Variants in RETREG1 observed in about 807,000 individuals in gnomAD.
RETREG1 encodes the protein reticulophagy regulator 1, also known as family with sequence similarity 134 member B.
In RETREG1, 44 loss-of-function variants were observed where a neutral mutation model predicts 54.8. The ratio of observed to expected loss-of-function variants is 0.80; its 90% CI spans 0.63 to 1.03. The LOEUF is 1.03. Among genes scored for constraint, RETREG1 ranks in the 50% least tolerant of loss-of-function variants. The pLI, the probability that RETREG1 is intolerant of heterozygous loss-of-function variation, is 0.00. For synonymous variants in RETREG1, 217 were observed against 238.5 expected, an observed-to-expected ratio of 0.91 and a Z score of 0.83; for missense variants, 554 against 605.1, an observed-to-expected ratio of 0.92 and a Z score of 0.89.
Position 16,525,996 on chromosome 5 carries a change from G to A in RETREG1, c.458+39767C>T, listed in dbSNP as rs115874225. On this transcript the variant is annotated intron_variant, in intron 3 of 8. Transcript: ENST00000306320. Reference sequence around the variant, plus strand: ...ATTGGATGAGGCTCATTCACACTGCGGAAGATAATCTGCCCTACTCAAAGT... The same window carrying A: ...ATTGGATGAGGCTCATTCACACTGCAGAAGATAATCTGCCCTACTCAAAGT... Among the ~76,000 whole-genome samples the A allele has an allele frequency of 1.0e-2, 1,517 of 152,276 alleles. 26 individuals carry two copies. The highest frequency in any genetic ancestry group is 0.035 in the African/African-American group (1,460 of 41,556).
intron 3 of RETREG1, among the ~76,000 whole-genome samples, chr5:16,510,775 G>C (rs1740145318): frequency 7.4e-6 from 1 of 134,798 alleles, no homozygotes; most frequent in South Asian, 2.5e-4. Flanking sequence ...AGGTGACAGA[G>C]TGAGAACCTG....
intron 3 of RETREG1, among the ~76,000 whole-genome samples, chr5:16,536,916 C>G (rs1159084180): frequency 6.6e-6 from 1 of 152,124 alleles, no homozygotes; most frequent in Non-Finnish European, 1.5e-5. Context: ...CCAAGGGTGG[C>G]CCTTCACCAT....
chr5:16,596,656 C>G (rs1231887560), intron 1 of RETREG1, among the ~76,000 whole-genome samples: 1 of 152,110 alleles, frequency 6.6e-6, no homozygotes, highest in African/African-American at 2.4e-5. Flanking sequence ...AAAGCCAGGC[C>G]AATTACCTGG....
chr5:16,528,542 G>A (rs575659873), intron 3 of RETREG1, among the ~76,000 whole-genome samples: 3 of 152,204 alleles, frequency 2.0e-5, no homozygotes, highest in South Asian at 2.1e-4. Context: ...AAAGATTAGG[G>A]GGCCAAGGAG....
intron 1 of RETREG1, chr5:16,616,431 C>A (rs939295877): frequency 3.8e-6 from 3 of 796,702 alleles, no homozygotes; most frequent in Non-Finnish European, 1.8e-6. Context: ...GAGGCTGGAT[C>A]CGCACACGGA....
At chr5:16,538,877 T>G (rs1741156416) in intron 3 of RETREG1, among the ~76,000 whole-genome samples, 1 of 152,178 alleles carries the variant, frequency 6.6e-6, no homozygotes, top group Admixed American at 6.5e-5. Flanking sequence ...GCTAATTTTT[T>G]GTATTTTTAG....
At chr5:16,526,348 C>T (rs1487948879) in intron 3 of RETREG1, among the ~76,000 whole-genome samples, 1 of 152,104 alleles carries the variant, frequency 6.6e-6, no homozygotes, top group East Asian at 1.9e-4. Context: ...ATGTAGCTAA[C>T]ATGTAGCTAA....
chr5:16,486,503 G>A (rs1303784184), intron 3 of RETREG1, among the ~76,000 whole-genome samples: 7 of 152,284 alleles, frequency 4.6e-5, no homozygotes, highest in African/African-American at 9.6e-5. Flanking sequence ...GTCATGAGAC[G>A]GGACATTTGA....
At chr5:16,509,042 T>TC in intron 3 of RETREG1, 1 of 985,544 alleles carries the variant, frequency 1.0e-6, no homozygotes, top group Non-Finnish European at 1.2e-6. Context: ...CCCCGGCTTT[T>TC]TTTTTTTTTT....
At chr5:16,488,799 C>A (rs1739124366) in intron 3 of RETREG1, among the ~76,000 whole-genome samples, 1 of 152,046 alleles carries the variant, frequency 6.6e-6, no homozygotes, top group Non-Finnish European at 1.5e-5. Context: ...AAAAGCAGAC[C>A]TTAGGCCGGG....
At chr5:16,580,258 T>A (rs1742446464) in intron 1 of RETREG1, among the ~76,000 whole-genome samples, 1 of 152,182 alleles carries the variant, frequency 6.6e-6, no homozygotes, top group Non-Finnish European at 1.5e-5. Flanking sequence ...TGGAGTCCTG[T>A]CACTCCCTAT....
chr5:16,507,554 G>T (rs1189864061), intron 3 of RETREG1, among the ~76,000 whole-genome samples: 4 of 152,084 alleles, frequency 2.6e-5, no homozygotes, highest in Non-Finnish European at 5.9e-5. Context: ...GTAGAAAGTT[G>T]TTTCATTGTT....
intron 3 of RETREG1, among the ~76,000 whole-genome samples, chr5:16,485,209 G>T (rs1738968821): frequency 6.6e-6 from 1 of 152,114 alleles, no homozygotes; most frequent in Non-Finnish European, 1.5e-5. Flanking sequence ...TCAGTTTAAT[G>T]GGACCATGAA....
chr5:16,527,788 C>G (rs754719599), intron 3 of RETREG1, among the ~76,000 whole-genome samples: 1 of 111,418 alleles, frequency 9.0e-6, no homozygotes, highest in African/African-American at 3.1e-5. Context: ...AGTACAATTT[C>G]GAGGGACTCT....
At chr5:16,592,728 A>T (rs916125088) in intron 1 of RETREG1, among the ~76,000 whole-genome samples, 2 of 147,524 alleles carry the variant, frequency 1.4e-5, no homozygotes, top group Non-Finnish European at 3.0e-5. Flanking sequence ...AAAAAAAAAA[A>T]TCATGTCCGG....
At chr5:16,545,095 G>A (rs1461236003) in intron 3 of RETREG1, among the ~76,000 whole-genome samples, 1 of 152,100 alleles carries the variant, frequency 6.6e-6, no homozygotes, top group African/African-American at 2.4e-5. Flanking sequence ...CATTTCAATT[G>A]CAAAAGCACA....
chr5:16,523,824 G>A (rs1740613794), intron 3 of RETREG1, among the ~76,000 whole-genome samples: 1 of 152,090 alleles, frequency 6.6e-6, no homozygotes, highest in Non-Finnish European at 1.5e-5. Context: ...TTCCATCAGT[G>A]AAGACTCGTG....
chr5:16,504,385 G>A (rs778165302), intron 3 of RETREG1, among the ~76,000 whole-genome samples: 3 of 152,194 alleles, frequency 2.0e-5, no homozygotes, highest in Non-Finnish European at 4.4e-5. Flanking sequence ...AAGTGGTGAT[G>A]TGAAATCAAC....
chr5:16,511,065 C>A (rs893112246), intron 3 of RETREG1, among the ~76,000 whole-genome samples: 8 of 152,186 alleles, frequency 5.3e-5, no homozygotes, highest in African/African-American at 1.9e-4. Flanking sequence ...AGTGCTATAA[C>A]AGATGAATTA....
Sources: gnomAD v4.1 joint callset for allele counts (sites outside exome capture counted in the v4.1 genomes callset) on GRCh38, gnomAD v4.1.1 for gene constraint, MANE v1.5 for transcripts, NCBI Gene and HGNC (gene_info 2026-07-23, HGNC 2026-07-21) for gene names.